The following ADRA1A variants were observed in gnomAD, a reference collection of about 807,000 sequenced individuals.
ADRA1A encodes the protein adrenoceptor alpha 1A, also known as alpha-1A adrenergic receptor.
In ADRA1A, 31 loss-of-function variants were observed where a neutral mutation model predicts 29.6. The observed-to-expected ratio is 1.05, with a 90% CI of 0.79 to 1.41. The LOEUF (loss-of-function observed/expected upper bound fraction) is 1.41, where lower values mean the gene tolerates loss of function less well. Ranked by LOEUF, ADRA1A falls within the 40% of genes most tolerant of loss-of-function variation. The probability of loss-of-function intolerance (pLI) is 0.00; values close to 1 mark genes in which losing one functional copy is unlikely to be tolerated. For missense variants in ADRA1A, 619 were observed against 601.1 expected, an observed-to-expected ratio of 1.03 and a Z score of -0.31; for synonymous variants, 311 against 254.3, an observed-to-expected ratio of 1.22 and a Z score of -2.12.
chr8:26,822,095 A>G (rs1272626650), intron 2 of ADRA1A, among the ~76,000 whole-genome samples: 2 of 152,224 alleles, frequency 1.3e-5, no homozygotes, highest in Non-Finnish European at 2.9e-5. Context: ...TCATCTCTCT[A>G]GAATATGTGG....
In ADRA1A at chr8:26,841,636, T is replaced by A. The variant is rs1366863791; in HGVS notation, c.883+22451A>T. On this transcript the variant is annotated intron_variant, in intron 2 of 2. Coordinates refer to ENST00000380573, the MANE Select transcript of ADRA1A (RefSeq NM_000680.4). This position sits in a 1 kb window ranked among gnomAD's most constrained non-coding sequence, Gnocchi z 4.4. ...TCCACTTTTATTTCCACATCCTCCA[T>A]GACAAGCCTCCTGTCCCTAACATTC... Among the ~76,000 whole-genome samples the A allele has an allele frequency of 2.6e-5, 4 of 152,174 alleles. No individual in the cohort carries two copies. Among genetic ancestry groups the A allele is most frequent in the Admixed American group, 2.0e-4 (3 of 15,272 alleles).
chr8:26,772,780 G>C (rs1275145359), intron 2 of ADRA1A, among the ~76,000 whole-genome samples: 1 of 152,024 alleles, frequency 6.6e-6, no homozygotes, highest in African/African-American at 2.4e-5. Context: ...ACCCAAAGAA[G>C]ACACAATAGT....
Position 26,864,467 on chromosome 8 carries a change from G to C in ADRA1A, c.503C>G (p.Pro168Arg), listed in dbSNP as rs759868914. Residue 168 changes from proline (P) to arginine (R), a missense_variant, in exon 2 of 3, where the codon CCG becomes CGG. Pro to Arg is a moderately radical substitution (Grantham distance 103). Transcript: ENST00000380573. The surrounding 1 kb of genome is among the most constrained non-coding windows in gnomAD (Gnocchi z 8.1). ...GCAGATGGTCTCGTCCTCGGGGGCC[G>C]GCTGCCTCCAGCCGAACAGGGGTCC... ...SIGPLFGWRQ[P>R]APEDETICQI... 2 of 1,613,454 alleles carry C rather than the reference G, an allele frequency of 1.2e-6. No individual in the cohort carries two copies. Among genetic ancestry groups the C allele is most frequent in the Non-Finnish European group, 1.7e-6 (2 of 1,180,044 alleles).
chr8:26,837,835 GCT>G (rs1563294885), intron 2 of ADRA1A, among the ~76,000 whole-genome samples: 1 of 152,170 alleles, frequency 6.6e-6, no homozygotes, highest in Non-Finnish European at 1.5e-5. Context: ...ATGAGTAGAA[GCT>G]CAGTACCTCC....
rs1811807376 is a variant in ADRA1A, at chr8:26,841,399, T to C, written c.883+22688A>G. On this transcript the variant is annotated intron_variant, in intron 2 of 2. Transcript: ENST00000380573. The surrounding 1 kb of genome is among the most constrained non-coding windows in gnomAD (Gnocchi z 4.4). Reference sequence around the variant, plus strand: ...CCTTGCACCTCCTTTCTTACTCCCTTCTAACTGTGAAGGCATCGGGCTTTC... The same window carrying C: ...CCTTGCACCTCCTTTCTTACTCCCTCCTAACTGTGAAGGCATCGGGCTTTC... Among the ~76,000 whole-genome samples the C allele has an allele frequency of 6.6e-6, 1 of 152,278 alleles. No homozygotes were observed. Among genetic ancestry groups the C allele is most frequent in the Middle Eastern group, 3.4e-3 (1 of 292 alleles).
At chr8:26,842,950 C>T (rs1315376082) in intron 2 of ADRA1A, among the ~76,000 whole-genome samples, 2 of 151,430 alleles carry the variant, frequency 1.3e-5, no homozygotes, top group Non-Finnish European at 2.9e-5. Flanking sequence ...GTGCTGTGTT[C>T]ACTCCTGTCT....
At chr8:26,767,039 C>T (rs1805829773), downstream of ADRA1A, among the ~76,000 whole-genome samples, 1 of 152,042 alleles carries the variant, frequency 6.6e-6, no homozygotes, top group Non-Finnish European at 1.5e-5. Flanking sequence ...TTTCTGAAAT[C>T]CTTGACATAA....
intron 2 of ADRA1A, among the ~76,000 whole-genome samples, chr8:26,855,269 G>T (rs1165681049): frequency 1.3e-5 from 2 of 151,974 alleles, no homozygotes; most frequent in Admixed American, 6.6e-5. Context: ...TTCCATGGAA[G>T]TTTGTAGAAA....
At chr8:26,748,880 G>A in intron 2 of ADRA1A, 1 of 339,090 alleles carries the variant, frequency 2.9e-6, no homozygotes, top group Non-Finnish European at 5.6e-6. Flanking sequence ...CCTGGCCAAT[G>A]TCTTGGCACC....
In ADRA1A at chr8:26,844,444, G is replaced by A. The variant is rs199503074; in HGVS notation, c.883+19643C>T. Reference sequence around the variant, plus strand: ...TTAGAGATGTAAAAAATAGTGGGTAGTAATTACAGAACTTACTACAAAGCT... The same window carrying A: ...TTAGAGATGTAAAAAATAGTGGGTAATAATTACAGAACTTACTACAAAGCT... On this transcript the variant is annotated intron_variant, in intron 2 of 2. Coordinates refer to ENST00000380573, the MANE Select transcript of ADRA1A (RefSeq NM_000680.4). 5.9e-5 allele frequency among the ~76,000 whole-genome samples: 9 copies of A among 152,254 alleles called. No homozygotes were observed. In the East Asian group the frequency reaches 1.7e-3, roughly 29 times the overall value.
In ADRA1A at chr8:26,864,811, A is replaced by G; in HGVS notation, c.159T>C (p.Cys53=). Residue 53 remains cysteine, a synonymous_variant, in exon 2 of 3, where the codon TGT becomes TGC. Coordinates refer to ENST00000380573, the MANE Select transcript of ADRA1A (RefSeq NM_000680.4). The surrounding 1 kb of genome is among the most constrained non-coding windows in gnomAD (Gnocchi z 8.1). ...GCGTGACTGAGTGCAGGTGTCGGTGACAGGCTACGGAGAGGATCACTAGGA... is the reference window on the plus strand; with the variant it reads ...GCGTGACTGAGTGCAGGTGTCGGTGGCAGGCTACGGAGAGGATCACTAGGA... ...GNILVILSVA[C]HRHLHSVTHY... is the part of the protein sequence containing the mutation. The G allele has an allele frequency of 6.2e-7, 1 of 1,614,064 alleles. No individual in the cohort carries two copies. The highest frequency in any genetic ancestry group is 1.6e-4 in the Middle Eastern group (1 of 6,062).
In ADRA1A at chr8:26,861,421, C is replaced by T. The variant is rs573583414; in HGVS notation, c.883+2666G>A. On this transcript the variant is annotated intron_variant, in intron 2 of 2. Coordinates refer to ENST00000380573, the MANE Select transcript of ADRA1A (RefSeq NM_000680.4). Reference sequence around the variant, plus strand: ...GGTTCAAGCGATTCTCCTGCCTCAGCCTCCCAAATAGCTGGGACTAAAGGT... The same window carrying T: ...GGTTCAAGCGATTCTCCTGCCTCAGTCTCCCAAATAGCTGGGACTAAAGGT... Among the ~76,000 whole-genome samples the T allele has an allele frequency of 8.6e-5, 13 of 151,584 alleles. No individual in the cohort carries two copies. In the South Asian group the frequency reaches 2.7e-3, roughly 32 times the overall value.
At chr8:26,757,993 C>T (rs565665630) in intron 2 of ADRA1A, among the ~76,000 whole-genome samples, 6 of 152,294 alleles carry the variant, frequency 3.9e-5, no homozygotes, top group African/African-American at 9.6e-5. Flanking sequence ...AGATGACAAA[C>T]GCCAGCCTTG....
chr8:26,807,981 C>T (rs894965500), intron 2 of ADRA1A, among the ~76,000 whole-genome samples: 38 of 152,140 alleles, frequency 2.5e-4, no homozygotes, highest in African/African-American at 8.7e-4. Flanking sequence ...CAGGGCAATG[C>T]ATTCTGCACT....
rs561226475 is a variant in ADRA1A at position 26,805,386 on chromosome 8, T to A, written c.884-34720A>T. ...GTGGGAATTATTCCCACTTTAAAGA[T>A]GAAGCAAATCACTTGTCTACTACGC... On this transcript the variant is annotated intron_variant, in intron 2 of 2. Coordinates refer to ENST00000380573, the MANE Select transcript of ADRA1A (RefSeq NM_000680.4). This position sits in a 1 kb window ranked among gnomAD's most constrained non-coding sequence, Gnocchi z 4.8. Among the ~76,000 whole-genome samples the A allele has an allele frequency of 4.9e-4, 74 of 152,220 alleles. 1 individual carries two copies. Among genetic ancestry groups the A allele is most frequent in the Non-Finnish European group, 8.1e-4 (55 of 68,036 alleles).
intron 2 of ADRA1A, among the ~76,000 whole-genome samples, chr8:26,800,703 A>C (rs962597001): frequency 6.6e-6 from 1 of 152,116 alleles, no homozygotes; most frequent in Admixed American, 6.6e-5. Context: ...TACGAATCCT[A>C]CTCAAACTAT....
intron 2 of ADRA1A, chr8:26,859,055 A>G: frequency 7.8e-7 from 1 of 1,276,570 alleles, no homozygotes; most frequent in Non-Finnish European, 1.0e-6. Context: ...GTCAGTCCCT[A>G]TTAAACATGG....
Position 26,853,985 on chromosome 8 carries a change from TCTCTCTCTCTCTGC to T in ADRA1A, c.883+10088_883+10101del, listed in dbSNP as rs1434045407. On this transcript the variant is annotated intron_variant, in intron 2 of 2. Coordinates refer to ENST00000380573, the MANE Select transcript of ADRA1A (RefSeq NM_000680.4). ...ATCTTTATTCTTTTCTTAGTAAACC[TCTCTCTCTCTCTGC>T]CTCTCTCTCTCTCTCTGCCTCTCTC... is the stretch of plus-strand genomic sequence containing the variant. 10 of 150,744 alleles carry T rather than the reference TCTCTCTCTCTCTGC, an allele frequency of 6.6e-5. No homozygotes were observed. The East Asian group carries it at 1.7e-3, about 26-fold the overall frequency. The allele number at this position is 150,744 out of a possible 1,614,324, so 9.3% of individuals were successfully genotyped here. A position where few individuals can be genotyped will look rare whatever the true frequency, so the allele number is the denominator to read the frequency against.
Position 26,831,023 on chromosome 8 carries a change from A to G in ADRA1A, c.883+33064T>C, listed in dbSNP as rs1170087523. 2.0e-5 allele frequency among the ~76,000 whole-genome samples: 3 copies of G among 152,056 alleles called. No individual in the cohort carries two copies. Among genetic ancestry groups the G allele is most frequent in the Non-Finnish European group, 4.4e-5 (3 of 68,022 alleles). ...TCATGGATGCACTGTTACTTCCTGG[A>G]CTTTGGGGGACTGAGGTCTTTTATA... On this transcript the variant is annotated intron_variant, in intron 2 of 2. Transcript: ENST00000380573. This position sits in a 1 kb window ranked among gnomAD's most constrained non-coding sequence, Gnocchi z 5.2.
Sources: allele counts gnomAD v4.1 joint callset (sites outside exome capture counted in the v4.1 genomes callset), GRCh38; gene constraint gnomAD v4.1.1; non-coding constraint Gnocchi (gnomAD v3.1); transcripts MANE v1.5; gene names NCBI Gene and HGNC (gene_info 2026-07-23, HGNC 2026-07-21).